Variants in TNR observed in about 807,000 individuals in gnomAD.
The protein encoded by TNR is tenascin R.
Under a neutral mutation model 150.4 loss-of-function variants are expected in TNR, and 45 were observed. That is an observed-to-expected ratio of 0.30 (90% CI 0.24 to 0.38). The LOEUF (loss-of-function observed/expected upper bound fraction) is 0.38, where lower values mean the gene tolerates loss of function less well. Among genes scored for constraint, TNR ranks in the 10% least tolerant of loss-of-function variants. The pLI is 1.00. For synonymous variants in TNR, 687 were observed against 678.4 expected (o/e 1.01, Z -0.20); for missense variants, 1,544 against 1,759.1 (o/e 0.88, Z 2.19).
chr1:175,617,335 C>T (rs890990347), intron 1 of TNR, among the ~76,000 whole-genome samples: 9 of 152,204 alleles, frequency 5.9e-5, no homozygotes, highest in South Asian at 2.1e-4. Context: ...CTTAGTCAGA[C>T]GTGAGTGTCT....
At chr1:175,457,442 G>T (rs1656616496) in intron 2 of TNR, among the ~76,000 whole-genome samples, 1 of 152,356 alleles carries the variant, frequency 6.6e-6, no homozygotes, top group African/African-American at 2.4e-5. Context: ...GTAGACCACT[G>T]AGTTGGCCGG....
At chr1:175,652,324 C>T (rs1465907819) in intron 1 of TNR, among the ~76,000 whole-genome samples, 1 of 151,716 alleles carries the variant, frequency 6.6e-6, no homozygotes, top group Middle Eastern at 3.2e-3. Flanking sequence ...TCAACTACAT[C>T]AGAATTAAAG....
chr1:175,647,182 C>T (rs886807591), intron 1 of TNR, among the ~76,000 whole-genome samples: 14 of 152,144 alleles, frequency 9.2e-5, no homozygotes, highest in South Asian at 4.1e-4. Flanking sequence ...CAACTGATTT[C>T]GCCCTGGGTG....
intron 1 of TNR, among the ~76,000 whole-genome samples, chr1:175,632,511 TGA>T (rs2101874415): frequency 6.6e-6 from 1 of 152,340 alleles, no homozygotes; most frequent in East Asian, 1.9e-4. Context: ...CAAAACTATC[TGA>T]GATTTGAAAA....
intron 1 of TNR, among the ~76,000 whole-genome samples, chr1:175,565,721 C>G (rs912619056): frequency 1.2e-4 from 18 of 152,158 alleles, no homozygotes; most frequent in Non-Finnish European, 2.6e-4. Flanking sequence ...ACAAGACTTA[C>G]TTAAAAGGAT....
chr1:175,590,437 C>CGGGG, intron 1 of TNR, among the ~76,000 whole-genome samples: 1 of 152,192 alleles, frequency 6.6e-6, no homozygotes, highest in Non-Finnish European at 1.5e-5. Flanking sequence ...CCAAGTGCCT[C>CGGGG]ACTCACCTAA....
At chr1:175,699,686 C>T (rs1020056863) in intron 1 of TNR, among the ~76,000 whole-genome samples, 6 of 151,926 alleles carry the variant, frequency 3.9e-5, no homozygotes, top group South Asian at 2.1e-4. Flanking sequence ...GCTGGGTAGA[C>T]GGAAGGTGGT....
At chr1:175,673,157 C>A (rs868704116) in intron 1 of TNR, among the ~76,000 whole-genome samples, 4 of 152,188 alleles carry the variant, frequency 2.6e-5, no homozygotes, top group East Asian at 1.9e-4. Flanking sequence ...GTCCCCTCAA[C>A]CTGAATGGCA....
At chr1:175,629,111 G>A (rs1226179890) in intron 1 of TNR, among the ~76,000 whole-genome samples, 1 of 152,164 alleles carries the variant, frequency 6.6e-6, no homozygotes, top group East Asian at 1.9e-4. Flanking sequence ...GGGCTTCTGA[G>A]AGCGTAGGAG....
intron 1 of TNR, among the ~76,000 whole-genome samples, chr1:175,564,254 C>T (rs1281205366): frequency 6.6e-6 from 1 of 152,112 alleles, no homozygotes; most frequent in East Asian, 1.9e-4. Context: ...CTCCTGCTGC[C>T]TGCCCTGTCT....
chr1:175,573,353 G>A (rs917311375), intron 1 of TNR, among the ~76,000 whole-genome samples: 3 of 152,250 alleles, frequency 2.0e-5, no homozygotes, highest in Admixed American at 6.5e-5. Context: ...GGGAGGTGAG[G>A]TATGGAGCTA....
intron 1 of TNR, among the ~76,000 whole-genome samples, chr1:175,608,026 G>A (rs763297672): frequency 6.6e-6 from 1 of 152,226 alleles, no homozygotes; most frequent in Non-Finnish European, 1.5e-5. Flanking sequence ...TGCCTCACTA[G>A]GAAGAGGCAA....
intron 1 of TNR, among the ~76,000 whole-genome samples, chr1:175,576,462 C>G (rs1662114362): frequency 6.6e-6 from 1 of 152,176 alleles, no homozygotes; most frequent in Admixed American, 6.5e-5. Context: ...CACAGGCCAT[C>G]ATGATTACCA....
intron 2 of TNR, among the ~76,000 whole-genome samples, chr1:175,438,468 G>C (rs76618369): frequency 0.19 from 28,499 of 151,964 alleles, 3,124 homozygotes; most frequent in African/African-American, 0.3. Flanking sequence ...AAAACTGGCA[G>C]AAGACAGGGA....
chr1:175,628,659 G>A (rs747974074), intron 1 of TNR, among the ~76,000 whole-genome samples: 5 of 152,114 alleles, frequency 3.3e-5, no homozygotes, highest in Non-Finnish European at 7.4e-5. Flanking sequence ...CCAACACTGG[G>A]CAGCTGAGGA....
intron 2 of TNR, among the ~76,000 whole-genome samples, chr1:175,495,989 G>A (rs1013607074): frequency 1.3e-5 from 2 of 152,148 alleles, no homozygotes; most frequent in Non-Finnish European, 2.9e-5. Flanking sequence ...GGATTATACT[G>A]CGGGGAGAGC....
At chr1:175,554,712 C>G (rs1457202581) in intron 1 of TNR, among the ~76,000 whole-genome samples, 1 of 152,194 alleles carries the variant, frequency 6.6e-6, no homozygotes, top group East Asian at 1.9e-4. Flanking sequence ...AGCCCCCACC[C>G]CTGAGCTTGT....
chr1:175,562,405 C>G (rs1390852375), intron 1 of TNR, among the ~76,000 whole-genome samples: 1 of 152,168 alleles, frequency 6.6e-6, no homozygotes, highest in East Asian at 1.9e-4. Context: ...TTGTTCTGGA[C>G]TTGGAGTCTG....
At chr1:175,577,698 GCTAA>G (rs1662176465) in intron 1 of TNR, among the ~76,000 whole-genome samples, 1 of 152,118 alleles carries the variant, frequency 6.6e-6, no homozygotes, top group Non-Finnish European at 1.5e-5. Context: ...GGAGGGCCAC[GCTAA>G]CTGTCAGAGT....
Sources: gnomAD v4.1 joint callset for allele counts (sites outside exome capture counted in the v4.1 genomes callset) on GRCh38, gnomAD v4.1.1 for gene constraint, MANE v1.5 for transcripts, NCBI Gene and HGNC (gene_info 2026-07-23, HGNC 2026-07-21) for gene names.